SLC5A4: variants seen among roughly 807,000 people sequenced by gnomAD.
SLC5A4 encodes probable glucose sensor protein SLC5A4.
In SLC5A4, 55 loss-of-function variants were observed where a neutral mutation model predicts 70.3. The ratio of observed to expected loss-of-function variants is 0.78; its 90% CI spans 0.63 to 0.98. The LOEUF (loss-of-function observed/expected upper bound fraction) is 0.98. Ranked by LOEUF, SLC5A4 falls within the 50% of genes least tolerant of loss-of-function variation. The probability of loss-of-function intolerance (pLI) is 0.00; values close to 1 mark genes in which losing one functional copy is unlikely to be tolerated. For missense variants in SLC5A4, 735 were observed against 839.2 expected (o/e 0.88, Z 1.53); for synonymous variants, 268 against 305.7 (o/e 0.88, Z 1.29).
the SLC5A4 span, among the ~76,000 whole-genome samples, chr22:32,344,481 T>G: frequency 6.6e-6 from 1 of 152,148 alleles, no homozygotes; most frequent in South Asian, 2.1e-4. Context: ...GTACATAAAG[T>G]TTTTATTGCA....
the SLC5A4 span, among the ~76,000 whole-genome samples, chr22:32,347,348 T>A: frequency 6.6e-6 from 1 of 152,152 alleles, no homozygotes; most frequent in South Asian, 2.1e-4. Context: ...AGCCATCCCA[T>A]TACTGGGTAT....
chr22:32,267,888 G>A, the SLC5A4 span, among the ~76,000 whole-genome samples: 1 of 152,188 alleles, frequency 6.6e-6, no homozygotes, highest in Non-Finnish European at 1.5e-5. Context: ...ACTTTGGGAG[G>A]CTGAGGCAGG....
the SLC5A4 span, among the ~76,000 whole-genome samples, chr22:32,294,999 A>AT: frequency 2.1e-5 from 2 of 93,370 alleles, no homozygotes; most frequent in Non-Finnish European, 4.5e-5. Context: ...TGAACTCATC[A>AT]TTTTTTATGG....
chr22:32,298,793 T>C, the SLC5A4 span, among the ~76,000 whole-genome samples: 122 of 115,468 alleles, frequency 1.1e-3, no homozygotes, highest in East Asian at 0.015. Context: ...CGGCTGGTAC[T>C]GGTTGTTCCT....
At chr22:32,239,217 C>A (rs918968905) in intron 5 of SLC5A4, 127 bp from the exon 6 acceptor site, 1 of 707,494 alleles carries the variant, frequency 1.4e-6, no homozygotes, top group African/African-American at 1.8e-5. Flanking sequence ...CAAGAATCCA[C>A]TGAGATGGCC....
chr22:32,348,466 CCAGG>C, the SLC5A4 span, among the ~76,000 whole-genome samples: 1 of 152,046 alleles, frequency 6.6e-6, no homozygotes, highest in Non-Finnish European at 1.5e-5. Flanking sequence ...CCAGTGGAGG[CCAGG>C]AAGGAGGGGA....
At chr22:32,326,077 C>T in the SLC5A4 span, among the ~76,000 whole-genome samples, 1 of 152,216 alleles carries the variant, frequency 6.6e-6, no homozygotes. Flanking sequence ...ATTTGAATAA[C>T]AATGAAAGCT....
In SLC5A4 at chr22:32,248,754, T is replaced by C. The variant is rs777131815; in HGVS notation, c.361A>G (p.Ile121Val). 24 of 1,612,410 alleles carry C rather than the reference T, an allele frequency of 1.5e-5. No homozygotes were observed. The highest frequency in any genetic ancestry group is 1.9e-5 in the Non-Finnish European group (22 of 1,178,594). The change falls in exon 4 of 15, where the codon ATC becomes GTC. Residue 121 changes from isoleucine to valine, a missense_variant. Transcript: ENST00000266086. ...TAACAGATACTCACCCCCGACTTGA[T>C]GTAGATAGGGACAAAGATCCACCCA... Reference protein sequence around the residue: ...ILGWIFVPIYIKSGVMTMPEY... With the variant: ...ILGWIFVPIYVKSGVMTMPEY...
chr22:32,224,230 A>G, intron 13 of SLC5A4, 37 bp downstream of exon 13: 1 of 1,519,870 alleles, frequency 6.6e-7, no homozygotes, highest in East Asian at 2.3e-5. Context: ...AAGAACTCTT[A>G]TTTAAAATTA....
intron 5 of SLC5A4, among the ~76,000 whole-genome samples, chr22:32,245,928 C>A (rs570829842): frequency 1.1e-3 from 174 of 152,328 alleles, no homozygotes; most frequent in Non-Finnish European, 1.7e-3. Flanking sequence ...GCCCCTGACA[C>A]CTGTGAGCTT....
At chr22:32,269,540 T>C in the SLC5A4 span, 19 of 621,180 alleles carry the variant, frequency 3.1e-5, no homozygotes, top group South Asian at 2.7e-4. This position sits in a 1 kb window ranked among gnomAD's most constrained non-coding sequence, Gnocchi z 4.1. Flanking sequence ...CGTGGCCATC[T>C]TGCTAACATC....
In SLC5A4 at chr22:32,235,018, T is replaced by C; in HGVS notation, c.740A>G (p.Asp247Gly). 1 of 1,613,458 alleles carries C rather than the reference T, an allele frequency of 6.2e-7. No homozygotes were observed. ...VNATPSVVEG[D>G]NLTISASCYT... ...GCAACTGGCACTGATTGTCAAGTTG[T>C]CCCCCTCGACTACGGATGGGGTGGC... Residue 247 changes from aspartate (D) to glycine (G), a missense_variant, in exon 8 of 15, where the codon GAC becomes GGC. Transcript: ENST00000266086.
At chr22:32,220,439 G>A (rs1385399621) in intron 14 of SLC5A4, among the ~76,000 whole-genome samples, 1 of 152,196 alleles carries the variant, frequency 6.6e-6, no homozygotes, top group African/African-American at 2.4e-5. Flanking sequence ...TTTCATGAAG[G>A]AAGTGAGATT....
intron 11 of SLC5A4, among the ~76,000 whole-genome samples, chr22:32,228,197 C>G (rs995772163): frequency 2.0e-5 from 3 of 152,086 alleles, no homozygotes; most frequent in Non-Finnish European, 4.4e-5. Context: ...CATGTTTTAA[C>G]TGTTTTCTTT....
In SLC5A4 at chr22:32,241,803, G is replaced by GTATGTATA. The variant is rs1555989949; in HGVS notation, c.478-2714_478-2713insTATACATA. Among the ~76,000 whole-genome samples the GTATGTATA allele has an allele frequency of 7.6e-3, 1,131 of 148,028 alleles. 13 individuals carry two copies. The highest frequency in any genetic ancestry group is 0.026 in the African/African-American group (1,042 of 39,328). ...TGTGTGTGTGTGTGTGTGTGTGTGT[G>GTATGTATA]TATATATATCTGTATGTGTGTGTGT... On this transcript the variant is annotated intron_variant, in intron 5 of 14. Coordinates refer to ENST00000266086, the MANE Select transcript of SLC5A4 (RefSeq NM_014227.3).
chr22:32,229,465 A>C, intron 10 of SLC5A4, 121 bp from the exon 11 acceptor site: 1 of 970,534 alleles, frequency 1.0e-6, no homozygotes. Flanking sequence ...CCTTATCAAT[A>C]CACATCAGCA....
At chr22:32,235,220 C>A in intron 7 of SLC5A4, 127 bp from the exon 8 acceptor site, 1 of 648,054 alleles carries the variant, frequency 1.5e-6, no homozygotes, top group Non-Finnish European at 2.7e-6. Flanking sequence ...CTCAGTGACC[C>A]TCTCCCAGGT....
At chr22:32,248,215 T>G (rs1004339196) in intron 4 of SLC5A4, among the ~76,000 whole-genome samples, 9 of 152,180 alleles carry the variant, frequency 5.9e-5, no homozygotes, top group South Asian at 2.1e-4. Context: ...CCTGACAGAT[T>G]TACCCAAACA....
At chr22:32,337,252 T>C in the SLC5A4 span, among the ~76,000 whole-genome samples, 55 of 152,296 alleles carry the variant, frequency 3.6e-4, no homozygotes, top group East Asian at 7.5e-3. Flanking sequence ...TGTTTTCCTG[T>C]GCACATAAGA....
Sources: allele counts gnomAD v4.1 joint callset (sites outside exome capture counted in the v4.1 genomes callset), GRCh38; gene constraint gnomAD v4.1.1; non-coding constraint Gnocchi (gnomAD v3.1); transcripts MANE v1.5; gene names NCBI Gene and HGNC (gene_info 2026-07-23, HGNC 2026-07-21).